ABCC4: variants seen among roughly 807,000 people sequenced by gnomAD.
ABCC4 encodes the protein ATP-binding cassette sub-family C member 4.
ABCC4 carries 102 observed loss-of-function variants against 168.5 expected under a neutral mutation model. The ratio of observed to expected loss-of-function variants is 0.61; its 90% confidence interval spans 0.52 to 0.71. ABCC4 has a LOEUF of 0.71. Among genes scored for constraint, ABCC4 ranks in the 30% least tolerant of loss-of-function variants. The probability of loss-of-function intolerance (pLI) is 0.00; values close to 1 mark genes in which losing one functional copy is unlikely to be tolerated. For missense variants in ABCC4, 1,402 were observed against 1,605.8 expected (o/e 0.87, Z 2.17); for synonymous variants, 617 against 590.7 (o/e 1.04, Z -0.65).
intron 25 of ABCC4, among the ~76,000 whole-genome samples, chr13:95,069,408 A>G (rs906780825): frequency 6.6e-5 from 10 of 152,188 alleles, no homozygotes; most frequent in Non-Finnish European, 1.2e-4. Flanking sequence ...TTAAAAAAAA[A>G]TTGTGGTAAA....
intron 3 of ABCC4, among the ~76,000 whole-genome samples, chr13:95,237,789 A>C (rs2039815899): frequency 2.0e-5 from 3 of 152,278 alleles, no homozygotes; most frequent in Middle Eastern, 3.4e-3. Context: ...TTGCATGGGA[A>C]GGAAAGAAAA....
chr13:95,075,626 T>TCACGTATCCACCAAACAG, intron 21 of ABCC4, 75 bp from the exon 22 acceptor site: 1 of 1,594,134 alleles, frequency 6.3e-7, no homozygotes, highest in Non-Finnish European at 8.5e-7. Context: ...AGCTCCATGG[T>TCACGTATCCACCAAACAG]CACGTATCCA....
intron 1 of ABCC4, among the ~76,000 whole-genome samples, chr13:95,260,548 C>T (rs901306762): frequency 4.6e-5 from 7 of 152,100 alleles, no homozygotes; most frequent in East Asian, 3.9e-4. Context: ...GAAAGGGACA[C>T]AGTTTGAGCA....
chr13:95,051,208 G>C (rs1456607176), intron 27 of ABCC4, among the ~76,000 whole-genome samples: 1 of 152,240 alleles, frequency 6.6e-6, no homozygotes, highest in Non-Finnish European at 1.5e-5. Flanking sequence ...AGCAGGGTGG[G>C]TGTGTAAGGA....
intron 19 of ABCC4, among the ~76,000 whole-genome samples, chr13:95,124,562 TAAAAA>T (rs55651091): frequency 8.2e-6 from 1 of 121,894 alleles, no homozygotes; most frequent in Non-Finnish European, 1.7e-5. Flanking sequence ...CCCCCTTTCT[TAAAAA>T]AAAAAAAAAA....
At chr13:95,155,224 T>C (rs980474251) in intron 19 of ABCC4, among the ~76,000 whole-genome samples, 4 of 152,056 alleles carry the variant, frequency 2.6e-5, no homozygotes, top group South Asian at 2.1e-4. Context: ...TTTTTTTTTT[T>C]TGGAGACAGG....
chr13:95,296,126 C>G (rs1180394637), intron 1 of ABCC4, among the ~76,000 whole-genome samples: 1 of 146,614 alleles, frequency 6.8e-6, no homozygotes, highest in Admixed American at 7.0e-5. Flanking sequence ...GAGCAAGACC[C>G]TGTCTCAAAA....
chr13:95,223,838 G>A (rs2039374195), intron 4 of ABCC4, among the ~76,000 whole-genome samples: 1 of 152,216 alleles, frequency 6.6e-6, no homozygotes, highest in Admixed American at 6.5e-5. Context: ...ACACTCTAGA[G>A]CTGCAATACT....
At chr13:95,283,747 G>A (rs2041188901) in intron 1 of ABCC4, among the ~76,000 whole-genome samples, 2 of 151,826 alleles carry the variant, frequency 1.3e-5, no homozygotes, top group South Asian at 2.1e-4. Flanking sequence ...GAGAAACCCC[G>A]TCTCTATGGG....
chr13:95,073,356 C>G, intron 23 of ABCC4, 52 bp from the exon 24 acceptor site: 2 of 1,363,198 alleles, frequency 1.5e-6, no homozygotes, highest in Non-Finnish European at 2.1e-6. Context: ...AAACCTAAGC[C>G]TGGCTCCTTC....
chr13:95,083,269 C>A lies in ABCC4; in HGVS notation c.2557G>T (p.Val853Leu). ...FIQTLLQVVG[V>L]VSVAVAVIPW... is the part of the protein sequence containing the mutation. ...ATCACGGCCACAGCCACAGAGACCA[C>A]ACCAACCACTTGTAGCAATGTCTGA... Residue 853 changes from valine to leucine, a missense_variant, in exon 21 of 31, where the codon GTG becomes TTG. Around this residue, in one of 3 missense-constraint regions of ABCC4, gnomAD observed 1,007 missense variants for 1,127.3 expected, o/e 0.89. Coordinates refer to ENST00000645237, the MANE Select transcript of ABCC4 (RefSeq NM_005845.5). The A allele has an allele frequency of 6.2e-7, 1 of 1,613,952 alleles. No individual in the cohort carries two copies. Among genetic ancestry groups the A allele is most frequent in the Non-Finnish European group, 8.5e-7 (1 of 1,179,920 alleles).
intron 15 of ABCC4, 99 bp downstream of exon 15, chr13:95,166,059 G>T: frequency 8.6e-7 from 1 of 1,157,736 alleles, no homozygotes; most frequent in African/African-American, 1.5e-5. Flanking sequence ...AATCCACTTT[G>T]GGACAAAAGA....
chr13:95,217,826 T>C (rs1419535028), intron 4 of ABCC4, among the ~76,000 whole-genome samples: 1 of 152,162 alleles, frequency 6.6e-6, no homozygotes, highest in Non-Finnish European at 1.5e-5. Context: ...TTACCCAGTG[T>C]CAATGACCCG....
At chr13:95,090,858 A>C (rs948928492) in intron 20 of ABCC4, among the ~76,000 whole-genome samples, 3 of 152,224 alleles carry the variant, frequency 2.0e-5, no homozygotes, top group African/African-American at 7.2e-5. Flanking sequence ...AAGGCAAAGC[A>C]CAATGCAAGG....
intron 3 of ABCC4, among the ~76,000 whole-genome samples, chr13:95,246,174 C>T (rs4148440): frequency 0.12 from 19,012 of 152,162 alleles, 1,782 homozygotes; most frequent in East Asian, 0.41. Flanking sequence ...TTCTGGCTGT[C>T]TTTGATTTTT....
intron 11 of ABCC4, among the ~76,000 whole-genome samples, chr13:95,183,146 A>C (rs1424891669): frequency 6.9e-6 from 1 of 145,146 alleles, no homozygotes; most frequent in Non-Finnish European, 1.5e-5. Context: ...AAAATCTTTT[A>C]TTTATCTTAT....
chr13:95,128,734 C>T (rs1165859717), intron 19 of ABCC4, among the ~76,000 whole-genome samples: 1 of 152,172 alleles, frequency 6.6e-6, no homozygotes, highest in Admixed American at 6.5e-5. Context: ...AGTTGTCAAT[C>T]CAGCAAAAAT....
intron 19 of ABCC4, among the ~76,000 whole-genome samples, chr13:95,145,616 CA>C (rs1233444198): frequency 0.071 from 6,848 of 96,994 alleles, 180 homozygotes; most frequent in Middle Eastern, 0.21. Flanking sequence ...ACCCCATCTC[CA>C]AAAAAAAAAA....
intron 6 of ABCC4, 98 bp from the exon 7 acceptor site, chr13:95,208,023 C>T: frequency 7.0e-7 from 1 of 1,424,786 alleles, no homozygotes; most frequent in East Asian, 2.3e-5. Context: ...TGGTTCCCTA[C>T]AGCGCTTTTG....
Sources: gnomAD v4.1 joint callset for allele counts (sites outside exome capture counted in the v4.1 genomes callset) on GRCh38, gnomAD v4.1.1 for gene constraint, gnomAD v4.1.1 regional missense constraint, MANE v1.5 for transcripts, NCBI Gene and HGNC (gene_info 2026-07-23, HGNC 2026-07-21) for gene names.